ANKS1B: variants seen among roughly 807,000 people sequenced by gnomAD.
ANKS1B encodes the protein ankyrin repeat and sterile alpha motif domain-containing protein 1B.
A neutral mutation model predicts 148.3 loss-of-function variants in ANKS1B; 36 were observed. The observed-to-expected ratio is 0.24, with a 90% CI of 0.19 to 0.32. ANKS1B has a LOEUF of 0.32. Ranked by LOEUF, ANKS1B falls within the 10% of genes least tolerant of loss-of-function variation. The pLI, the probability that ANKS1B is intolerant of heterozygous loss-of-function variation, is 1.00. For missense variants in ANKS1B, 1,157 were observed against 1,542.6 expected (o/e 0.75, Z 4.19); for synonymous variants, 542 against 560.8 (o/e 0.97, Z 0.47).
intron 19 of ANKS1B, among the ~76,000 whole-genome samples, chr12:98,808,399 C>T (rs1467380043): frequency 1.3e-5 from 2 of 152,202 alleles, no homozygotes; most frequent in Non-Finnish European, 2.9e-5. Context: ...TTTGACAAAC[C>T]TAGAAGATAT....
At chr12:98,766,425 C>T (rs548741623) in intron 25 of ANKS1B, among the ~76,000 whole-genome samples, 12 of 152,310 alleles carry the variant, frequency 7.9e-5, no homozygotes, top group African/African-American at 1.9e-4. Flanking sequence ...GGCCAGGGAA[C>T]GGCTTCTCTT....
At chr12:99,087,420 G>C (rs1432061424) in intron 15 of ANKS1B, among the ~76,000 whole-genome samples, 1 of 151,972 alleles carries the variant, frequency 6.6e-6, no homozygotes, top group Middle Eastern at 3.4e-3. Flanking sequence ...AATGATCCAG[G>C]TATTCAGCAG....
chr12:98,953,537 G>GTTT lies in ANKS1B; in HGVS notation c.2778+99617_2778+99619dup, dbSNP rs1166158783. On this transcript the variant is annotated intron_variant, in intron 17 of 26. Transcript: ENST00000683438. ...CATGTCCATTTGAGAATCTAGAGTG[G>GTTT]TTTTTTTTTTTTTTTTTTTTTTTTT... Among the ~76,000 whole-genome samples the GTTT allele has an allele frequency of 1.8e-3, 105 of 57,454 alleles. 20 individuals carry two copies. The highest frequency in any genetic ancestry group is 0.013 in the East Asian group (20 of 1,564). The allele number at this position is 57,454 out of a possible 152,430, so 37.7% of individuals were successfully genotyped here. A position where few individuals can be genotyped will look rare whatever the true frequency, so the allele number is the denominator to read the frequency against.
intron 14 of ANKS1B, among the ~76,000 whole-genome samples, chr12:99,182,756 G>T (rs1313425666): frequency 6.6e-6 from 1 of 151,980 alleles, no homozygotes; most frequent in Non-Finnish European, 1.5e-5. Flanking sequence ...CATAATGGTG[G>T]TTCTAATTTA....
At chr12:98,907,247 G>A (rs1314959861) in intron 17 of ANKS1B, among the ~76,000 whole-genome samples, 18 of 152,116 alleles carry the variant, frequency 1.2e-4, no homozygotes, top group African/African-American at 4.3e-4. Context: ...ATATGAAGAT[G>A]GGCTCCATGC....
At chr12:99,923,976 A>G (rs2094427671) in intron 1 of ANKS1B, among the ~76,000 whole-genome samples, 1 of 152,022 alleles carries the variant, frequency 6.6e-6, no homozygotes, top group Non-Finnish European at 1.5e-5. Context: ...TTTTGCATAC[A>G]TTTTGATTTT....
chr12:99,090,437 A>G (rs1263284367), intron 15 of ANKS1B, among the ~76,000 whole-genome samples: 3 of 152,110 alleles, frequency 2.0e-5, no homozygotes, highest in African/African-American at 7.2e-5. Context: ...ATCCAGTCCA[A>G]GACTAAAAAA....
intron 12 of ANKS1B, among the ~76,000 whole-genome samples, chr12:99,394,053 T>C (rs1257092159): frequency 6.6e-6 from 1 of 152,138 alleles, no homozygotes; most frequent in African/African-American, 2.4e-5. Flanking sequence ...AACACAGACT[T>C]TAAATAGGCC....
chr12:99,346,314 CTTT>C (rs553561313), intron 12 of ANKS1B, among the ~76,000 whole-genome samples: 2 of 151,220 alleles, frequency 1.3e-5, no homozygotes, highest in Non-Finnish European at 3.0e-5. Flanking sequence ...TCTTCCTTTT[CTTT>C]TTTTAACTTA....
At chr12:99,492,092 G>A (rs777191620) in intron 10 of ANKS1B, among the ~76,000 whole-genome samples, 7 of 151,924 alleles carry the variant, frequency 4.6e-5, no homozygotes, top group African/African-American at 4.8e-5. Context: ...ATGAAAAACC[G>A]TTCAAAAGAG....
chr12:99,022,373 T>G (rs902567301), intron 17 of ANKS1B, among the ~76,000 whole-genome samples: 1 of 152,176 alleles, frequency 6.6e-6, no homozygotes, highest in Non-Finnish European at 1.5e-5. Flanking sequence ...ATAATTTGAA[T>G]GGGAAATTAA....
At chr12:99,277,860 T>C (rs2077882189) in intron 12 of ANKS1B, among the ~76,000 whole-genome samples, 2 of 152,220 alleles carry the variant, frequency 1.3e-5, no homozygotes, top group African/African-American at 4.8e-5. Flanking sequence ...AGACTATTCC[T>C]GAATAGGTCT....
At chr12:99,209,222 A>G (rs777587133) in intron 14 of ANKS1B, among the ~76,000 whole-genome samples, 7 of 152,174 alleles carry the variant, frequency 4.6e-5, no homozygotes, top group Non-Finnish European at 8.8e-5. Flanking sequence ...AAAACTCGGA[A>G]AGAGCCCAAG....
intron 4 of ANKS1B, among the ~76,000 whole-genome samples, chr12:99,798,625 T>A (rs535131345): frequency 2.7e-4 from 41 of 151,878 alleles, no homozygotes; most frequent in Non-Finnish European, 5.6e-4. Flanking sequence ...TGCCAAAGAA[T>A]AAAGGACCTA....
chr12:99,164,041 G>A (rs2076962766), intron 14 of ANKS1B, among the ~76,000 whole-genome samples: 1 of 152,066 alleles, frequency 6.6e-6, no homozygotes, highest in African/African-American at 2.4e-5. Flanking sequence ...TTACTATGTT[G>A]AACAAAATCT....
chr12:99,076,318 AGAT>A (rs2047870395), intron 16 of ANKS1B, among the ~76,000 whole-genome samples: 2 of 152,304 alleles, frequency 1.3e-5, no homozygotes, highest in Middle Eastern at 3.4e-3. Flanking sequence ...GGAAGGAAGA[AGAT>A]GAGAGAATTA....
chr12:99,341,940 C>A (rs1395413814), intron 12 of ANKS1B, among the ~76,000 whole-genome samples: 1 of 152,064 alleles, frequency 6.6e-6, no homozygotes, highest in Non-Finnish European at 1.5e-5. Flanking sequence ...ATATGAGTGA[C>A]TGAAGAACAA....
intron 17 of ANKS1B, among the ~76,000 whole-genome samples, chr12:99,050,386 G>A (rs2099965190): frequency 6.6e-6 from 1 of 151,998 alleles, no homozygotes; most frequent in South Asian, 2.1e-4. Flanking sequence ...AATTAACATG[G>A]ACATAATTAA....
At chr12:99,647,457 C>T (rs1760179387) in intron 9 of ANKS1B, among the ~76,000 whole-genome samples, 1 of 152,184 alleles carries the variant, frequency 6.6e-6, no homozygotes, top group Non-Finnish European at 1.5e-5. Context: ...ACTAGAGGAG[C>T]TGGATAAATG....
Sources: gnomAD v4.1 joint callset for allele counts (sites outside exome capture counted in the v4.1 genomes callset) on GRCh38, gnomAD v4.1.1 for gene constraint, MANE v1.5 for transcripts, NCBI Gene and HGNC (gene_info 2026-07-23, HGNC 2026-07-21) for gene names.